Variants in SHOC1 observed in about 807,000 individuals in gnomAD.
The protein encoded by SHOC1 is protein shortage in chiasmata 1 ortholog.
SHOC1 carries 136 observed loss-of-function variants against 179.2 expected under a neutral mutation model. The ratio of observed to expected loss-of-function variants is 0.76; its 90% CI spans 0.66 to 0.87. The LOEUF (loss-of-function observed/expected upper bound fraction) is 0.87, where lower values mean the gene tolerates loss of function less well. Among genes scored for constraint, SHOC1 ranks in the 40% least tolerant of loss-of-function variants. SHOC1 has a pLI of 0.00. For synonymous variants in SHOC1, 489 were observed against 586.6 expected (o/e 0.83, Z 2.41); for missense variants, 1,538 against 1,700.8 (o/e 0.90, Z 1.68).
chr9:111,791,454 T>C lies in SHOC1; in HGVS notation c.-36A>G. ...TTTCAAAGCAGTGTAAATTTCAACA[T>C]CTGGAAATACAAAAATTAAAATTAA... is the stretch of plus-strand genomic sequence containing the variant. On this transcript the variant is annotated splice_region_variant and 5_prime_UTR_variant, in exon 2 of 28. It removes an upstream start codon present in the reference 5' UTR. Transcript: ENST00000682961. The C allele has an allele frequency of 7.3e-7, 1 of 1,361,154 alleles. No homozygotes were observed. The highest frequency in any genetic ancestry group is 9.8e-7 in the Non-Finnish European group (1 of 1,025,044). 84.3% of individuals were successfully genotyped at this position (1,361,154 alleles called of 1,614,324 possible).
intron 12 of SHOC1, among the ~76,000 whole-genome samples, chr9:111,732,595 C>T (rs901871893): frequency 6.6e-6 from 1 of 152,076 alleles, no homozygotes; most frequent in Non-Finnish European, 1.5e-5. Flanking sequence ...ACTAGTGATA[C>T]ACAACATCAT....
chr9:111,721,332 T>C (rs1833038945), intron 15 of SHOC1, among the ~76,000 whole-genome samples: 1 of 152,122 alleles, frequency 6.6e-6, no homozygotes, highest in South Asian at 2.1e-4. Context: ...ATATATTCTT[T>C]GTTTGTTTGT....
intron 5 of SHOC1, among the ~76,000 whole-genome samples, chr9:111,761,506 C>G (rs1835135182): frequency 6.7e-6 from 1 of 150,204 alleles, no homozygotes; most frequent in Non-Finnish European, 1.5e-5. Flanking sequence ...CATCTTAGAA[C>G]AAAAAACAAA....
Position 111,742,193 on chromosome 9 carries a change from C to A in SHOC1, c.1080-623G>T, listed in dbSNP as rs140111934. Reference sequence around the variant, plus strand: ...TGACTTGGGAGAGTTTTAGCACTTCCCTCCATAAACTATGCTAGCGTCAAC... The same window carrying A: ...TGACTTGGGAGAGTTTTAGCACTTCACTCCATAAACTATGCTAGCGTCAAC... On this transcript the variant is annotated intron_variant, in intron 10 of 27. Transcript: ENST00000682961. Among the ~76,000 whole-genome samples the A allele has an allele frequency of 2.6e-3, 398 of 152,234 alleles. 2 individuals are homozygous for A. The highest frequency in any genetic ancestry group is 8.7e-3 in the African/African-American group (361 of 41,540).
At chr9:111,753,216 T>C (rs1834681683) in intron 8 of SHOC1, among the ~76,000 whole-genome samples, 1 of 152,228 alleles carries the variant, frequency 6.6e-6, no homozygotes, top group Non-Finnish European at 1.5e-5. Flanking sequence ...TTGCCTTCAA[T>C]GATGAATTCC....
chr9:111,700,622 T>C (rs957253805), intron 23 of SHOC1, among the ~76,000 whole-genome samples: 1 of 152,186 alleles, frequency 6.6e-6, no homozygotes, highest in Non-Finnish European at 1.5e-5. Flanking sequence ...AAGCCATTGT[T>C]GGATTCTGGG....
At chr9:111,783,554 A>G (rs1836156301) in intron 3 of SHOC1, 1 of 152,220 alleles carries the variant, frequency 6.6e-6, no homozygotes, top group African/African-American at 2.4e-5. Flanking sequence ...CTCCTTTTAC[A>G]TCAGACTTTT....
chr9:111,731,074 T>G (rs7028763), intron 12 of SHOC1, among the ~76,000 whole-genome samples: 34,456 of 152,182 alleles, frequency 0.23, 4,927 homozygotes, highest in East Asian at 0.35. Flanking sequence ...CTTACCTTTC[T>G]CAGCCTTCAT....
chr9:111,689,045 G>T (rs1300486625), intron 27 of SHOC1, among the ~76,000 whole-genome samples: 3 of 152,030 alleles, frequency 2.0e-5, no homozygotes, highest in African/African-American at 7.2e-5. Flanking sequence ...TATCCCTGGG[G>T]ATATAATCTC....
intron 15 of SHOC1, among the ~76,000 whole-genome samples, chr9:111,721,078 TC>T (rs991015321): frequency 2.1e-4 from 32 of 152,212 alleles, no homozygotes; most frequent in African/African-American, 7.7e-4. Context: ...GATAGTTTGA[TC>T]CTTGGGGTAT....
rs375886013 is a variant in SHOC1 at position 111,792,057 on chromosome 9, AAGCCTAAAGTT to A, written c.-36-614_-36-604del. 9.2e-5 allele frequency among the ~76,000 whole-genome samples: 14 copies of A among 152,364 alleles called. No homozygotes were observed. In the East Asian group the frequency reaches 2.3e-3, roughly 25 times the overall value. On this transcript the variant is annotated intron_variant, in intron 1 of 27. Coordinates refer to ENST00000682961, the MANE Select transcript of SHOC1 (RefSeq NM_001378211.1). ...TCCATTCTCTTACTTAGAAAATAAGAAGCCTAAAGTTAGAATTTTCTAGTAGCTAGCTCATT... is the reference window on the plus strand; with the variant it reads ...TCCATTCTCTTACTTAGAAAATAAGAAGAATTTTCTAGTAGCTAGCTCATT...
intron 23 of SHOC1, among the ~76,000 whole-genome samples, chr9:111,701,472 T>C (rs932355033): frequency 2.0e-5 from 3 of 152,268 alleles, no homozygotes; most frequent in Non-Finnish European, 4.4e-5. Flanking sequence ...TGTACCTCAA[T>C]TGCACTACTA....
At chr9:111,725,179 T>C (rs1833241981) in intron 13 of SHOC1, among the ~76,000 whole-genome samples, 1 of 152,202 alleles carries the variant, frequency 6.6e-6, no homozygotes, top group South Asian at 2.1e-4. Flanking sequence ...AGTAATACTT[T>C]CAATTAACCA....
intron 5 of SHOC1, among the ~76,000 whole-genome samples, chr9:111,760,913 T>C (rs2131577658): frequency 6.6e-6 from 1 of 151,706 alleles, no homozygotes; most frequent in African/African-American, 2.4e-5. Flanking sequence ...TGGAAGAATA[T>C]AGTTATGAGA....
chr9:111,739,764 G>T (rs2131491505), intron 11 of SHOC1, among the ~76,000 whole-genome samples: 1 of 152,042 alleles, frequency 6.6e-6, no homozygotes, highest in Admixed American at 6.5e-5. Context: ...TTCAATATAT[G>T]ATCTGATTTT....
rs192608081 is a variant in SHOC1, at chr9:111,749,991, G to A, written c.863-1792C>T. Among the ~76,000 whole-genome samples, 651 of 152,134 alleles carry A rather than the reference G, an allele frequency of 4.3e-3. 15 individuals carry two copies. Among genetic ancestry groups the A allele is most frequent in the Admixed American group, 0.034 (527 of 15,280 alleles). On this transcript the variant is annotated intron_variant, in intron 8 of 27. Coordinates refer to ENST00000682961, the MANE Select transcript of SHOC1 (RefSeq NM_001378211.1). ...ATAGTGCTGCAATGAACATACACAT[G>A]CATCTATCTTTATAATAGGATAATT... is the stretch of plus-strand genomic sequence containing the variant.
intron 12 of SHOC1, among the ~76,000 whole-genome samples, chr9:111,737,688 AC>A (rs34813776): frequency 0.067 from 9,920 of 147,412 alleles, 854 homozygotes; most frequent in African/African-American, 0.2. Flanking sequence ...ATAAAAACAA[AC>A]CCCCCCCCCC....
chr9:111,778,565 T>G (rs1160849066), intron 4 of SHOC1, among the ~76,000 whole-genome samples: 3 of 152,018 alleles, frequency 2.0e-5, no homozygotes, highest in African/African-American at 7.2e-5. Flanking sequence ...GATCAGGAGT[T>G]TGAGACCATC....
intron 4 of SHOC1, among the ~76,000 whole-genome samples, chr9:111,778,294 C>T (rs1258648776): frequency 6.6e-6 from 1 of 152,154 alleles, no homozygotes; most frequent in Non-Finnish European, 1.5e-5. Flanking sequence ...TTCATCTACT[C>T]CTATTCATTC....
Sources: gnomAD v4.1 joint callset for allele counts (sites outside exome capture counted in the v4.1 genomes callset) on GRCh38, gnomAD v4.1.1 for gene constraint, MANE v1.5 for transcripts, NCBI Gene and HGNC (gene_info 2026-07-23, HGNC 2026-07-21) for gene names.